VRK2: variants seen among roughly 807,000 people sequenced by gnomAD.
VRK2 encodes VRK serine/threonine kinase 2.
VRK2 carries 60 observed loss-of-function variants against 57.6 expected under a neutral mutation model. The ratio of observed to expected loss-of-function variants is 1.04; its 90% CI spans 0.85 to 1.29. VRK2 has a LOEUF of 1.29. Ranked by LOEUF, VRK2 falls within the 50% of genes most tolerant of loss-of-function variation. The pLI is 0.00. For missense variants in VRK2, 705 were observed against 588.1 expected (o/e 1.20, Z -2.06); for synonymous variants, 231 against 199.2 (o/e 1.16, Z -1.35).
intron 2 of VRK2, among the ~76,000 whole-genome samples, chr2:58,063,027 A>T (rs916113419): frequency 6.6e-6 from 1 of 152,060 alleles, no homozygotes; most frequent in Non-Finnish European, 1.5e-5. Flanking sequence ...AGTGCAGATG[A>T]TGACTTTAAG....
chr2:57,967,896 A>G (rs1671972580), intron 1 of VRK2, among the ~76,000 whole-genome samples: 1 of 152,154 alleles, frequency 6.6e-6, no homozygotes, highest in Non-Finnish European at 1.5e-5. Flanking sequence ...ACGTTTCTTC[A>G]TTCAAGGCTG....
At chr2:58,154,958 AT>A (rs201398389) in intron 12 of VRK2, among the ~76,000 whole-genome samples, 37 of 151,358 alleles carry the variant, frequency 2.4e-4, no homozygotes, top group Admixed American at 7.9e-4. Context: ...GTATCTGAAG[AT>A]TTTTTTTTCA....
chr2:57,951,768 G>A (rs1355170317), intron 1 of VRK2, among the ~76,000 whole-genome samples: 1 of 152,066 alleles, frequency 6.6e-6, no homozygotes, highest in African/African-American at 2.4e-5. Context: ...TTTTTTCTGA[G>A]TTGTGGTCTC....
chr2:57,916,908 T>C (rs1477717592), intron 1 of VRK2, among the ~76,000 whole-genome samples: 4 of 152,176 alleles, frequency 2.6e-5, no homozygotes, highest in Non-Finnish European at 5.9e-5. Context: ...TAGTATCTGC[T>C]TCATAAGGCT....
At chr2:58,144,018 T>C (rs62140014) in intron 11 of VRK2, among the ~76,000 whole-genome samples, 47,161 of 151,040 alleles carry the variant, frequency 0.31, 8,577 homozygotes, top group East Asian at 0.43. Context: ...CATATACACA[T>C]ATATATATAC....
chr2:57,915,720 C>T (rs1670125732), intron 1 of VRK2, among the ~76,000 whole-genome samples: 1 of 152,168 alleles, frequency 6.6e-6, no homozygotes. Flanking sequence ...ACAGATCTTA[C>T]ATCAGGGGTC....
chr2:58,075,598 A>G (rs982377070), intron 2 of VRK2, among the ~76,000 whole-genome samples: 1 of 152,072 alleles, frequency 6.6e-6, no homozygotes, highest in Admixed American at 6.6e-5. Flanking sequence ...ACAAGATGGT[A>G]TCTTGTGTTT....
intron 1 of VRK2, among the ~76,000 whole-genome samples, chr2:57,933,374 G>A (rs1435153275): frequency 7.7e-6 from 1 of 129,056 alleles, no homozygotes; most frequent in Non-Finnish European, 1.5e-5. Flanking sequence ...GTGCAGTGGT[G>A]CAATCTCGGC....
upstream of VRK2, chr2:58,046,593 C>G: frequency 1.0e-6 from 1 of 985,604 alleles, no homozygotes; most frequent in Non-Finnish European, 1.2e-6. Context: ...ACACAGCTCC[C>G]ATTCCCCATG....
At chr2:58,129,041 C>A (rs950125233) in intron 8 of VRK2, among the ~76,000 whole-genome samples, 2 of 152,024 alleles carry the variant, frequency 1.3e-5, no homozygotes, top group African/African-American at 4.8e-5. Context: ...AGGCTTTCAA[C>A]AAAAAGAGTG....
At chr2:58,142,298 T>G (rs1476179160) in intron 11 of VRK2, among the ~76,000 whole-genome samples, 2 of 151,608 alleles carry the variant, frequency 1.3e-5, no homozygotes, top group Non-Finnish European at 2.9e-5. Flanking sequence ...TCACCAAACT[T>G]ACATCACCTT....
chr2:58,129,464 A>G (rs1232379379), intron 8 of VRK2, among the ~76,000 whole-genome samples: 1 of 152,160 alleles, frequency 6.6e-6, no homozygotes, highest in East Asian at 1.9e-4. Context: ...TTCACTTAAT[A>G]TGTTTTAAAA....
At chr2:58,101,006 G>A (rs990401250) in intron 7 of VRK2, among the ~76,000 whole-genome samples, 1 of 151,636 alleles carries the variant, frequency 6.6e-6, no homozygotes, top group Non-Finnish European at 1.5e-5. Context: ...AAAAATTCTT[G>A]TTTTGAAATC....
intron 2 of VRK2, among the ~76,000 whole-genome samples, chr2:58,076,512 T>G (rs558730711): frequency 6.6e-6 from 1 of 152,070 alleles, no homozygotes; most frequent in African/African-American, 2.4e-5. Flanking sequence ...CATTGTAAAG[T>G]AGAAAAACCC....
chr2:58,120,992 G>A (rs902798517), intron 7 of VRK2, among the ~76,000 whole-genome samples: 4 of 152,124 alleles, frequency 2.6e-5, no homozygotes, highest in East Asian at 1.9e-4. Flanking sequence ...CAGTAGTCTC[G>A]AATAAAGTCT....
chr2:58,047,489 CCCTTACCG>C, intron 1 of VRK2: 1 of 985,176 alleles, frequency 1.0e-6, no homozygotes, highest in Non-Finnish European at 1.2e-6. Context: ...CGTAGAGTCT[CCCTTACCG>C]CCTCAAGCCC....
chr2:58,070,283 C>G (rs80262086), intron 2 of VRK2, among the ~76,000 whole-genome samples: 174 of 152,204 alleles, frequency 1.1e-3, no homozygotes, highest in African/African-American at 4.1e-3. Context: ...CTCCTAGGCT[C>G]AAGTGATCCT....
chr2:58,069,212 A>G (rs1055469175), intron 2 of VRK2, among the ~76,000 whole-genome samples: 1 of 152,212 alleles, frequency 6.6e-6, no homozygotes, highest in Non-Finnish European at 1.5e-5. Flanking sequence ...AAGTTTTAAC[A>G]GGTCTGTGTT....
intron 1 of VRK2, among the ~76,000 whole-genome samples, chr2:57,923,298 C>G (rs999333815): frequency 6.6e-6 from 1 of 151,898 alleles, no homozygotes; most frequent in Non-Finnish European, 1.5e-5. Flanking sequence ...TTCTTAGGAA[C>G]TTCCAAACTG....
Sources: gnomAD v4.1 joint callset for allele counts (sites outside exome capture counted in the v4.1 genomes callset) on GRCh38, gnomAD v4.1.1 for gene constraint, MANE v1.5 for transcripts, NCBI Gene and HGNC (gene_info 2026-07-23, HGNC 2026-07-21) for gene names.